SLC9A4: variants seen among roughly 807,000 people sequenced by gnomAD.
The protein encoded by SLC9A4 is sodium/hydrogen exchanger 4.
Under a neutral mutation model 67.4 loss-of-function variants are expected in SLC9A4, and 63 were observed. The ratio of observed to expected loss-of-function variants is 0.93; its 90% confidence interval spans 0.76 to 1.15. The LOEUF is 1.15. Ranked by LOEUF, SLC9A4 falls within the 50% of genes most tolerant of loss-of-function variation. SLC9A4 has a pLI of 0.00. For missense variants in SLC9A4, 1,089 were observed against 987.7 expected, an observed-to-expected ratio of 1.10 and a Z score of -1.38; for synonymous variants, 393 against 367.2, an observed-to-expected ratio of 1.07 and a Z score of -0.80.
intron 2 of SLC9A4, among the ~76,000 whole-genome samples, chr2:102,502,519 C>G (rs1684964162): frequency 6.6e-6 from 1 of 152,186 alleles, no homozygotes; most frequent in Admixed American, 6.5e-5. Context: ...TAAGGAAACT[C>G]TCTATGTACC....
At chr2:102,521,494 C>A (rs1359126462) in intron 9 of SLC9A4, among the ~76,000 whole-genome samples, 1 of 152,126 alleles carries the variant, frequency 6.6e-6, no homozygotes, top group Non-Finnish European at 1.5e-5. Context: ...AAACAGAGGG[C>A]AGTTACAAGC....
intron 2 of SLC9A4, among the ~76,000 whole-genome samples, chr2:102,501,883 T>C (rs2072508): frequency 0.77 from 116,192 of 150,994 alleles, 45,784 homozygotes; most frequent in African/African-American, 0.91. Flanking sequence ...AAGGCGTGGG[T>C]GAGCCTGGCA....
intron 4 of SLC9A4, among the ~76,000 whole-genome samples, chr2:102,507,039 G>C (rs1685065108): frequency 6.6e-6 from 1 of 152,112 alleles, no homozygotes; most frequent in Non-Finnish European, 1.5e-5. Flanking sequence ...TGCATCTTAT[G>C]TTATTTATGG....
chr2:102,495,177 A>G (rs1684781531), intron 2 of SLC9A4, among the ~76,000 whole-genome samples: 1 of 152,068 alleles, frequency 6.6e-6, no homozygotes, highest in African/African-American at 2.4e-5. Context: ...TAAAATATCT[A>G]GGAAAGTCTT....
At chr2:102,526,508 GT>G (rs1478472321) in intron 11 of SLC9A4, among the ~76,000 whole-genome samples, 162 bp downstream of exon 11, 1 of 152,154 alleles carries the variant, frequency 6.6e-6, no homozygotes, top group Non-Finnish European at 1.5e-5. Context: ...TCGGAACTTT[GT>G]TTATGAACAC....
chr2:102,478,779 C>G (rs916639914), intron 1 of SLC9A4, 60 bp from the exon 2 acceptor site: 4 of 1,528,520 alleles, frequency 2.6e-6, no homozygotes, highest in Non-Finnish European at 3.6e-6. Flanking sequence ...TTTAAAAGAC[C>G]TCAGGTACAC....
At chr2:102,523,421 C>T (rs1255157863) in intron 9 of SLC9A4, among the ~76,000 whole-genome samples, 3 of 152,166 alleles carry the variant, frequency 2.0e-5, no homozygotes, top group Non-Finnish European at 2.9e-5. Context: ...CCGATGAAAC[C>T]GATGAGGATG....
At position 102,532,373 on chromosome 2, in the gene SLC9A4, C is replaced by T. The variant is rs369230553; in HGVS notation, c.2082C>T (p.Ser694=). Residue 694 remains serine (S), a synonymous_variant, in exon 12 of 12, where the codon AGC becomes AGT. Coordinates refer to ENST00000295269, the MANE Select transcript of SLC9A4 (RefSeq NM_001011552.4). ...CAGGATCCCCATCCATCACGTTCAG[C>T]GCATGCTCTCGGATAGGGTCACTTC... The part of the protein sequence containing the change: ...SDPGSPSITF[S]ACSRIGSLQK... 41 of 1,614,054 alleles carry T rather than the reference C, an allele frequency of 2.5e-5. No individual in the cohort carries two copies. The highest frequency in any genetic ancestry group is 1.6e-4 in the East Asian group (7 of 44,882).
At chr2:102,507,833 G>A (rs1193829301) in intron 4 of SLC9A4, among the ~76,000 whole-genome samples, 1 of 152,104 alleles carries the variant, frequency 6.6e-6, no homozygotes, top group East Asian at 1.9e-4. Context: ...ACACATAAAT[G>A]CAGGCACATA....
At chr2:102,499,722 G>A (rs919561175) in intron 2 of SLC9A4, among the ~76,000 whole-genome samples, 1 of 152,172 alleles carries the variant, frequency 6.6e-6, no homozygotes, top group Non-Finnish European at 1.5e-5. Context: ...AAGAAGGCAA[G>A]CCTATTATAA....
chr2:102,498,003 G>C (rs1047214584), intron 2 of SLC9A4, among the ~76,000 whole-genome samples: 4 of 152,132 alleles, frequency 2.6e-5, no homozygotes, highest in African/African-American at 7.2e-5. Flanking sequence ...ATGTTGGAAG[G>C]CTTGGAAAAT....
chr2:102,523,844 C>G (rs1241049486), intron 9 of SLC9A4, among the ~76,000 whole-genome samples: 1 of 152,328 alleles, frequency 6.6e-6, no homozygotes, highest in East Asian at 1.9e-4. Context: ...CAGCTGATGT[C>G]TTAGCTCATG....
At chr2:102,505,675 T>C (rs1015668357) in intron 4 of SLC9A4, 23 of 532,246 alleles carry the variant, frequency 4.3e-5, no homozygotes, top group Middle Eastern at 9.9e-4. Flanking sequence ...GATAAGGTTC[T>C]GCATTGAAGC....
intron 6 of SLC9A4, among the ~76,000 whole-genome samples, chr2:102,511,321 A>G (rs1685158984): frequency 6.6e-6 from 1 of 152,220 alleles, no homozygotes; most frequent in African/African-American, 2.4e-5. Context: ...AAAACATGTA[A>G]CAACTTAACA....
chr2:102,524,371 A>G (rs1367342969), intron 9 of SLC9A4, among the ~76,000 whole-genome samples: 1 of 152,222 alleles, frequency 6.6e-6, no homozygotes, highest in African/African-American at 2.4e-5. Flanking sequence ...CTGAGGACTG[A>G]CTAATGTTGG....
intron 11 of SLC9A4, among the ~76,000 whole-genome samples, chr2:102,529,450 T>C (rs897773475): frequency 1.3e-5 from 2 of 152,244 alleles, no homozygotes; most frequent in Non-Finnish European, 2.9e-5. Flanking sequence ...CATGGAAACT[T>C]ATGCCTATTT....
chr2:102,509,924 C>T (rs1000327172), intron 6 of SLC9A4, among the ~76,000 whole-genome samples: 1 of 152,140 alleles, frequency 6.6e-6, no homozygotes, highest in Non-Finnish European at 1.5e-5. Flanking sequence ...CTATTTGGTT[C>T]CAAGGGCTGG....
intron 2 of SLC9A4, among the ~76,000 whole-genome samples, chr2:102,486,961 A>AG (rs1684601460): frequency 6.6e-6 from 1 of 152,184 alleles, no homozygotes; most frequent in Non-Finnish European, 1.5e-5. Flanking sequence ...TTGGGTGCCT[A>AG]GGGAGTGAAC....
chr2:102,474,714 C>T (rs1160918538), intron 1 of SLC9A4, among the ~76,000 whole-genome samples: 1 of 152,190 alleles, frequency 6.6e-6, no homozygotes, highest in Non-Finnish European at 1.5e-5. Context: ...TACTCTGTGA[C>T]TGTTTAATCC....
Sources: allele counts gnomAD v4.1 joint callset (sites outside exome capture counted in the v4.1 genomes callset), GRCh38; gene constraint gnomAD v4.1.1; transcripts MANE v1.5; gene names NCBI Gene and HGNC (gene_info 2026-07-23, HGNC 2026-07-21).